The following CAPN3 variants were observed in gnomAD, a reference collection of about 807,000 sequenced individuals.
The protein encoded by CAPN3 is calpain 3, also known as calpain-3.
A neutral mutation model predicts 114.0 loss-of-function variants in CAPN3; 88 were observed. The ratio of observed to expected loss-of-function variants is 0.77; its 90% CI spans 0.65 to 0.92. CAPN3 has a LOEUF of 0.92. CAPN3 is among the 40% of genes least tolerant of loss of function. CAPN3 has a pLI of 0.00. For missense variants in CAPN3, 1,028 were observed against 1,069.0 expected (o/e 0.96, Z 0.53); for synonymous variants, 386 against 382.9 (o/e 1.01, Z -0.09).
At chr15:42,360,339 G>T (rs1364671700) in intron 1 of CAPN3, among the ~76,000 whole-genome samples, 2 of 150,374 alleles carry the variant, frequency 1.3e-5, no homozygotes, top group Non-Finnish European at 2.9e-5. Context: ...AGGTGGGGCT[G>T]ATTCTTATGC....
intron 14 of CAPN3, chr15:42,404,082 C>G (rs922062093): frequency 2.5e-5 from 13 of 528,618 alleles, no homozygotes; most frequent in African/African-American, 2.3e-4. Flanking sequence ...AGAGCCGCAG[C>G]GAACACTGGA....
intron 10 of CAPN3, 107 bp downstream of exon 10, chr15:42,399,759 T>C: frequency 3.1e-6 from 3 of 966,376 alleles, no homozygotes; most frequent in Non-Finnish European, 4.5e-6. Flanking sequence ...TCCACTATCT[T>C]ATTAAACCTT....
Position 42,412,137 on chromosome 15 carries a change from G to GC in CAPN3, c.*367dup. On this transcript the variant is annotated 3_prime_UTR_variant, in exon 24 of 24. Coordinates refer to ENST00000397163, the MANE Select transcript of CAPN3 (RefSeq NM_000070.3). ...GCACTCAGCACCTCCTTGTGCTAGA[G>GC]CCCTCCATCACCTTCACGCTGTCCC... 6.5e-7 allele frequency: 1 copy of GC among 1,536,044 alleles called. No individual in the cohort carries two copies. The highest frequency in any genetic ancestry group is 8.7e-7 in the Non-Finnish European group (1 of 1,146,896).
At chr15:42,360,144 T>A in intron 1 of CAPN3, 30 bp downstream of exon 1, 1 of 1,613,760 alleles carries the variant, frequency 6.2e-7, no homozygotes. Flanking sequence ...CTGGCTGGGT[T>A]TTCCCCCCAC....
chr15:42,412,193 G>A lies in CAPN3; in HGVS notation c.*420G>A. On this transcript the variant is annotated 3_prime_UTR_variant, in exon 24 of 24. Coordinates refer to ENST00000397163, the MANE Select transcript of CAPN3 (RefSeq NM_000070.3). The stretch of plus-strand genomic sequence containing the variant: ...GGGCCAGGAACCAAACCAGCACTGG[G>A]TTCTACTGCTGTGGGGTAAACTAAC... 6.5e-7 allele frequency: 1 copy of A among 1,536,054 alleles called. No homozygotes were observed. Among genetic ancestry groups the A allele is most frequent in the Non-Finnish European group, 8.7e-7 (1 of 1,146,824 alleles).
rs139267332 is a variant in CAPN3 at position 42,375,093 on chromosome 15, A to G, written c.310-9390A>G. On this transcript the variant is annotated intron_variant, in intron 1 of 23. Transcript: ENST00000397163. ...GGTCTCAAACCCCTCGGCTCAAGCA[A>G]TCCTCTTGCCTAGGCCTCCCAAAGT... 1.6e-3 allele frequency among the ~76,000 whole-genome samples: 250 copies of G among 151,654 alleles called. 1 individual carries two copies. Among genetic ancestry groups the G allele is most frequent in the African/African-American group, 5.7e-3 (234 of 41,354 alleles).
intron 11 of CAPN3, 52 bp from the exon 12 acceptor site, chr15:42,402,072 C>T (rs1295382640): frequency 1.2e-6 from 2 of 1,612,240 alleles, no homozygotes; most frequent in Non-Finnish European, 1.7e-6. Context: ...CTTCCGCAGG[C>T]TCCTCATCCT....
intron 1 of CAPN3, among the ~76,000 whole-genome samples, chr15:42,372,454 C>T (rs775322580): frequency 6.6e-6 from 1 of 152,218 alleles, no homozygotes; most frequent in African/African-American, 2.4e-5. Context: ...CCACTGCGCC[C>T]AGCCTGCCTT....
At chr15:42,368,822 C>T (rs536152804) in intron 1 of CAPN3, among the ~76,000 whole-genome samples, 4 of 152,284 alleles carry the variant, frequency 2.6e-5, no homozygotes, top group Admixed American at 6.5e-5. Flanking sequence ...GAGGCCAAGG[C>T]GGGTGGATCA....
chr15:42,360,135 T>C lies in CAPN3; in HGVS notation c.309+21T>C, dbSNP rs200106746. 1.7e-5 allele frequency: 27 copies of C among 1,613,982 alleles called. No homozygotes were observed. In the East Asian group the frequency reaches 6.0e-4, roughly 36 times the overall value. ...CTCCGGTGAGTAGCTTCCTGCTTGCTGGCTGGGTTTTCCCCCCACGGAGGA... is the reference window on the plus strand; with the variant it reads ...CTCCGGTGAGTAGCTTCCTGCTTGCCGGCTGGGTTTTCCCCCCACGGAGGA... On this transcript the variant is annotated intron_variant, in intron 1 of 23. Transcript: ENST00000397163.
intron 1 of CAPN3, among the ~76,000 whole-genome samples, chr15:42,375,630 T>G (rs1008834667): frequency 2.0e-5 from 3 of 152,208 alleles, no homozygotes; most frequent in Non-Finnish European, 4.4e-5. Flanking sequence ...AAAAAACTAT[T>G]AGAAGTATTT....
intron 6 of CAPN3, among the ~76,000 whole-genome samples, chr15:42,391,778 C>A (rs770903830): frequency 3.9e-5 from 6 of 152,152 alleles, no homozygotes; most frequent in Non-Finnish European, 5.9e-5. Context: ...TCTCCTCGGG[C>A]TTTCTTAGAA....
At chr15:42,364,614 G>A (rs1308402270) in intron 1 of CAPN3, among the ~76,000 whole-genome samples, 1 of 152,138 alleles carries the variant, frequency 6.6e-6, no homozygotes, top group African/African-American at 2.4e-5. Flanking sequence ...TGTCCTTTAG[G>A]GCAATTCTAG....
chr15:42,388,745 G>C (rs1391145193), intron 4 of CAPN3, among the ~76,000 whole-genome samples, 183 bp from the exon 5 acceptor site: 2 of 152,052 alleles, frequency 1.3e-5, no homozygotes, highest in Admixed American at 1.3e-4. Flanking sequence ...AGCCTCTTGA[G>C]CTCAGTTTCT....
At chr15:42,371,399 G>A (rs2052943994) in intron 1 of CAPN3, among the ~76,000 whole-genome samples, 1 of 152,166 alleles carries the variant, frequency 6.6e-6, no homozygotes, top group Admixed American at 6.5e-5. Context: ...GGCTGGGACA[G>A]AAATGGCCAA....
intron 16 of CAPN3, 62 bp from the exon 17 acceptor site, chr15:42,409,241 T>C (rs1435974391): frequency 2.0e-6 from 3 of 1,526,846 alleles, no homozygotes; most frequent in South Asian, 1.1e-5. Flanking sequence ...CCAGAGGAGC[T>C]TGCCTCACAG....
rs776441239 is a variant in CAPN3, at chr15:42,380,368, C to CTTTTTTTTTTT, written c.310-4096_310-4086dup. Among the ~76,000 whole-genome samples, 39 of 46,104 alleles carry CTTTTTTTTTTT rather than the reference C, an allele frequency of 8.5e-4. 5 individuals are homozygous for CTTTTTTTTTTT. The highest frequency in any genetic ancestry group is 1.7e-3 in the African/African-American group (15 of 8,816). The allele number at this position is 46,104 out of a possible 152,430, so 30.2% of individuals were successfully genotyped here. A position where few individuals can be genotyped will look rare whatever the true frequency, so the allele number is the denominator to read the frequency against. On this transcript the variant is annotated intron_variant, in intron 1 of 23. Coordinates refer to ENST00000397163, the MANE Select transcript of CAPN3 (RefSeq NM_000070.3). ...TATCCTTTTACCTCTTCTTTTTTGT[C>CTTTTTTTTTTT]TTTTTTTTTTTTTTTTTTTTTTTTT...
At position 42,389,158 on chromosome 15, in the gene CAPN3, A is replaced by G. The variant is rs1005357345; in HGVS notation, c.801+62A>G. 67 of 1,499,650 alleles carry G rather than the reference A, an allele frequency of 4.5e-5. 1 individual carries two copies. Among genetic ancestry groups the G allele is most frequent in the South Asian group, 3.6e-4 (32 of 88,320 alleles). 92.9% of individuals were successfully genotyped at this position (1,499,650 alleles called of 1,614,324 possible). The stretch of plus-strand genomic sequence containing the variant: ...CAAGTGTCAGGAAGCCTTTTACCCA[A>G]TGAAGGGCAGCATAGAGCTTTTGTG... On this transcript the variant is annotated intron_variant, in intron 5 of 23. Coordinates refer to ENST00000397163, the MANE Select transcript of CAPN3 (RefSeq NM_000070.3).
intron 1 of CAPN3, among the ~76,000 whole-genome samples, chr15:42,364,013 G>A (rs951959033): frequency 3.9e-5 from 6 of 152,138 alleles, no homozygotes; most frequent in Non-Finnish European, 5.9e-5. Context: ...CACTTTTGTA[G>A]TATTCCTTTA....
Sources: allele counts gnomAD v4.1 joint callset (sites outside exome capture counted in the v4.1 genomes callset), GRCh38; gene constraint gnomAD v4.1.1; transcripts MANE v1.5; gene names NCBI Gene and HGNC (gene_info 2026-07-23, HGNC 2026-07-21).